SLC4A4: variants seen among roughly 807,000 people sequenced by gnomAD.
SLC4A4 encodes solute carrier family 4 member 4, also known as electrogenic sodium bicarbonate cotransporter 1.
SLC4A4 carries 27 observed loss-of-function variants against 111.5 expected under a neutral mutation model. The observed-to-expected ratio is 0.24, with a 90% CI of 0.18 to 0.33. The LOEUF (loss-of-function observed/expected upper bound fraction) is 0.33. SLC4A4 is among the 10% of genes least tolerant of loss of function. SLC4A4 has a pLI of 1.00. For synonymous variants in SLC4A4, 443 were observed against 463.4 expected (o/e 0.96, Z 0.57); for missense variants, 909 against 1,315.5 (o/e 0.69, Z 4.78).
intron 3 of SLC4A4, among the ~76,000 whole-genome samples, chr4:71,295,445 G>C (rs1333179134): frequency 6.6e-6 from 1 of 152,052 alleles, no homozygotes; most frequent in South Asian, 2.1e-4. Flanking sequence ...GTTTTACCTT[G>C]ATTTTCCTAA....
At chr4:71,485,494 C>G (rs781169006) in intron 14 of SLC4A4, among the ~76,000 whole-genome samples, 1 of 151,532 alleles carries the variant, frequency 6.6e-6, no homozygotes, top group Non-Finnish European at 1.5e-5. Flanking sequence ...CCTACTTGAT[C>G]GTGGTGGATT....
intron 23 of SLC4A4, 74 bp from the exon 24 acceptor site, chr4:71,563,719 T>G (rs1020935534): frequency 4.0e-5 from 38 of 942,188 alleles, no homozygotes; most frequent in Non-Finnish European, 5.9e-5. Flanking sequence ...AGAAAACGGT[T>G]TGATCGATGC....
At chr4:71,409,166 A>G (rs1721136499) in intron 7 of SLC4A4, among the ~76,000 whole-genome samples, 2 of 152,204 alleles carry the variant, frequency 1.3e-5, no homozygotes, top group African/African-American at 4.8e-5. Flanking sequence ...ACTAACTAAT[A>G]TAGTAAACTG....
intron 3 of SLC4A4, among the ~76,000 whole-genome samples, chr4:71,310,029 T>C (rs1283624654): frequency 6.6e-6 from 1 of 151,712 alleles, no homozygotes; most frequent in Non-Finnish European, 1.5e-5. Context: ...GAGAACTTCG[T>C]GAAGCATATA....
At chr4:71,336,247 A>G (rs1728425749) in intron 3 of SLC4A4, among the ~76,000 whole-genome samples, 1 of 152,228 alleles carries the variant, frequency 6.6e-6, no homozygotes, top group South Asian at 2.1e-4. Context: ...ATATGCCTGT[A>G]TATGTAGAAG....
In SLC4A4 at chr4:71,487,611, G is replaced by T. The variant is rs145357876; in HGVS notation, c.1974+593G>T. Reference sequence around the variant, plus strand: ...AGGCTTTTGTATTGGAGAAAAAGGGGAAAGTGCTGTTTCAGACTTCCAATT... The same window carrying T: ...AGGCTTTTGTATTGGAGAAAAAGGGTAAAGTGCTGTTTCAGACTTCCAATT... On this transcript the variant is annotated intron_variant, in intron 15 of 25. Transcript: ENST00000264485. Among the ~76,000 whole-genome samples the T allele has an allele frequency of 5.3e-3, 802 of 151,734 alleles. 7 individuals carry two copies. The highest frequency in any genetic ancestry group is 0.051 in the South Asian group (245 of 4,818).
intron 2 of SLC4A4, among the ~76,000 whole-genome samples, chr4:71,105,157 A>G (rs2148948421): frequency 6.9e-6 from 1 of 145,246 alleles, no homozygotes; most frequent in South Asian, 2.2e-4. Context: ...ATCATGAGTG[A>G]ACTCCCATTC....
intron 12 of SLC4A4, 57 bp downstream of exon 12, chr4:71,453,726 C>G: frequency 1.3e-6 from 2 of 1,514,964 alleles, no homozygotes; most frequent in Non-Finnish European, 1.8e-6. Context: ...CTTCCTCACC[C>G]CTACAGCTCA....
chr4:71,457,577 G>A (rs914332207), intron 12 of SLC4A4, among the ~76,000 whole-genome samples: 2 of 152,028 alleles, frequency 1.3e-5, no homozygotes, highest in African/African-American at 4.8e-5. Context: ...TAAGCTTTCC[G>A]AAGTCTGAGA....
chr4:71,138,624 G>A (rs896281281), intron 2 of SLC4A4, among the ~76,000 whole-genome samples: 3 of 152,122 alleles, frequency 2.0e-5, no homozygotes, highest in African/African-American at 7.2e-5. Context: ...TTCTTTTCTG[G>A]ACTGACTGTA....
At chr4:71,371,775 G>A (rs1483436388) in intron 6 of SLC4A4, among the ~76,000 whole-genome samples, 1 of 151,950 alleles carries the variant, frequency 6.6e-6, no homozygotes, top group African/African-American at 2.4e-5. Context: ...ATAAAAAAAA[G>A]CCTTCTCTAG....
chr4:71,301,678 A>AGCCTGAGCTGCACAGATT (rs1177049344), intron 3 of SLC4A4, among the ~76,000 whole-genome samples: 2 of 152,244 alleles, frequency 1.3e-5, no homozygotes, highest in Non-Finnish European at 2.9e-5. Context: ...GGCACAGCAT[A>AGCCTGAGCTGCACAGATT]GCCTGAGCTG....
chr4:71,170,030 C>T (rs1364568936), intron 2 of SLC4A4, among the ~76,000 whole-genome samples: 1 of 152,196 alleles, frequency 6.6e-6, no homozygotes, highest in Non-Finnish European at 1.5e-5. Flanking sequence ...TTTGAATCTG[C>T]TGTTTTCTCT....
rs545913409 is a variant in SLC4A4, at chr4:71,087,208, A to T, written c.-64-5522A>T. Among the ~76,000 whole-genome samples the T allele has an allele frequency of 3.9e-4, 60 of 152,078 alleles. 1 individual carries two copies. Among genetic ancestry groups the T allele is most frequent in the African/African-American group, 1.4e-3 (58 of 41,406 alleles). On this transcript the variant is annotated intron_variant, in intron 1 of 26. Transcript: ENST00000649996. ...TTATTTGCATAGAGGTGTTTACAGT[A>T]TTCTCTGATGGTAGTTTGTATTTCT...
intron 3 of SLC4A4, among the ~76,000 whole-genome samples, chr4:71,278,687 G>A (rs1475855591): frequency 6.6e-6 from 1 of 152,146 alleles, no homozygotes; most frequent in Non-Finnish European, 1.5e-5. Flanking sequence ...TTTCCCTGAT[G>A]ATTAGTGATG....
At chr4:71,145,529 C>A (rs1024044122) in intron 2 of SLC4A4, among the ~76,000 whole-genome samples, 1 of 152,186 alleles carries the variant, frequency 6.6e-6, no homozygotes, top group African/African-American at 2.4e-5. Context: ...ACGGTACCAG[C>A]TCCTCCTTGT....
chr4:71,378,071 C>T (rs897744874), intron 6 of SLC4A4, among the ~76,000 whole-genome samples: 5 of 151,978 alleles, frequency 3.3e-5, no homozygotes, highest in Non-Finnish European at 7.4e-5. Flanking sequence ...GAGACCAGTC[C>T]CCATGATTCA....
intron 7 of SLC4A4, among the ~76,000 whole-genome samples, chr4:71,404,127 G>A (rs1417780712): frequency 6.6e-6 from 1 of 152,048 alleles, no homozygotes; most frequent in Non-Finnish European, 1.5e-5. Flanking sequence ...CACTAGAAGT[G>A]GGTGTAAGCC....
intron 3 of SLC4A4, among the ~76,000 whole-genome samples, chr4:71,296,086 A>G (rs1724762487): frequency 6.6e-6 from 1 of 152,024 alleles, no homozygotes; most frequent in South Asian, 2.1e-4. Context: ...TGGTCCAAGA[A>G]TTGAACCAAC....
Sources: allele counts gnomAD v4.1 joint callset (sites outside exome capture counted in the v4.1 genomes callset), GRCh38; gene constraint gnomAD v4.1.1; transcripts MANE v1.5; gene names NCBI Gene and HGNC (gene_info 2026-07-23, HGNC 2026-07-21).